The following NMNAT2 variants were observed in gnomAD, a reference collection of about 807,000 sequenced individuals.
The protein encoded by NMNAT2 is nicotinamide/nicotinic acid mononucleotide adenylyltransferase 2.
A neutral mutation model predicts 41.6 loss-of-function variants in NMNAT2; 11 were observed. The ratio of observed to expected loss-of-function variants is 0.26; its 90% CI spans 0.17 to 0.44. The LOEUF is 0.44. Ranked by LOEUF, NMNAT2 falls within the 20% of genes least tolerant of loss-of-function variation. NMNAT2 has a pLI of 1.00. For missense variants in NMNAT2, 288 were observed against 407.7 expected (o/e 0.71, Z 2.53); for synonymous variants, 148 against 151.2 (o/e 0.98, Z 0.16).
chr1:183,394,204 G>A (rs1215978823), intron 1 of NMNAT2, among the ~76,000 whole-genome samples: 2 of 152,178 alleles, frequency 1.3e-5, no homozygotes, highest in Admixed American at 6.5e-5. Flanking sequence ...GCTACAAATT[G>A]TATTATTATG....
chr1:183,290,461 C>G (rs796724374), intron 3 of NMNAT2, among the ~76,000 whole-genome samples: 1 of 152,182 alleles, frequency 6.6e-6, no homozygotes, highest in South Asian at 2.1e-4. Flanking sequence ...ATTCCAGCCT[C>G]AGCTCTTTGC....
intron 1 of NMNAT2, among the ~76,000 whole-genome samples, chr1:183,376,617 T>A (rs898368372): frequency 6.6e-6 from 1 of 152,208 alleles, no homozygotes; most frequent in Admixed American, 6.6e-5. Flanking sequence ...AAGTTGAGAA[T>A]CTAACATTGA....
chr1:183,379,636 A>G (rs1663759879), intron 1 of NMNAT2, among the ~76,000 whole-genome samples: 1 of 152,214 alleles, frequency 6.6e-6, no homozygotes, highest in African/African-American at 2.4e-5. Context: ...AAGAATAAAA[A>G]GAGACATATA....
At chr1:183,363,579 TACACACACACAC>T (rs146304060) in intron 1 of NMNAT2, among the ~76,000 whole-genome samples, 1 of 147,482 alleles carries the variant, frequency 6.8e-6, no homozygotes, top group Non-Finnish European at 1.5e-5. Context: ...CACACACACA[TACACACACACAC>T]ACACACACAC....
chr1:183,357,329 A>C, intron 1 of NMNAT2, among the ~76,000 whole-genome samples: 1 of 142,256 alleles, frequency 7.0e-6, no homozygotes, highest in East Asian at 2.1e-4. Flanking sequence ...TCCCGGGTTC[A>C]CACCATTCTC....
rs149677317 is a variant in NMNAT2 at position 183,316,985 on chromosome 1, C to G, written c.86-23192G>C. Reference sequence around the variant, plus strand: ...GTTGTTACCTAGTAGTCAGACACTACTAATCACTAGACCTGTGCACATTTG... The same window carrying G: ...GTTGTTACCTAGTAGTCAGACACTAGTAATCACTAGACCTGTGCACATTTG... On this transcript the variant is annotated intron_variant, in intron 1 of 10. Coordinates refer to ENST00000287713, the MANE Select transcript of NMNAT2 (RefSeq NM_015039.4). 3.4e-3 allele frequency among the ~76,000 whole-genome samples: 525 copies of G among 152,316 alleles called. 1 individual carries two copies. The highest frequency in any genetic ancestry group is 0.012 in the African/African-American group (499 of 41,568).
At chr1:183,406,044 C>T (rs1468958428) in intron 1 of NMNAT2, among the ~76,000 whole-genome samples, 1 of 152,148 alleles carries the variant, frequency 6.6e-6, no homozygotes, top group Non-Finnish European at 1.5e-5. Flanking sequence ...TTTTAACATG[C>T]AAGTAGCTAT....
chr1:183,347,198 T>C (rs1431368131), intron 1 of NMNAT2, among the ~76,000 whole-genome samples: 1 of 152,200 alleles, frequency 6.6e-6, no homozygotes, highest in Non-Finnish European at 1.5e-5. Context: ...TTCACGCCTG[T>C]AATCCCAGCA....
At chr1:183,304,393 A>G (rs970809436) in intron 1 of NMNAT2, among the ~76,000 whole-genome samples, 1 of 152,222 alleles carries the variant, frequency 6.6e-6, no homozygotes, top group African/African-American at 2.4e-5. Flanking sequence ...CAGAAGGCAC[A>G]TGATGGCAGC....
intron 1 of NMNAT2, among the ~76,000 whole-genome samples, chr1:183,318,506 T>C (rs1662298280): frequency 2.6e-5 from 4 of 152,118 alleles, no homozygotes; most frequent in East Asian, 1.9e-4. Context: ...GAGAGATTCA[T>C]TGTGTTTGCC....
At chr1:183,391,227 TTC>T (rs1345418583) in intron 1 of NMNAT2, among the ~76,000 whole-genome samples, 7 of 152,182 alleles carry the variant, frequency 4.6e-5, no homozygotes, top group African/African-American at 1.7e-4. Context: ...AGGATGACCT[TTC>T]TCTCTATTTC....
intron 1 of NMNAT2, among the ~76,000 whole-genome samples, chr1:183,405,484 A>G (rs143529658): frequency 5.0e-4 from 76 of 152,334 alleles, no homozygotes; most frequent in African/African-American, 1.8e-3. Context: ...ACTTCACCCA[A>G]TGTAAATATG....
chr1:183,275,402 G>A (rs1272465667), intron 8 of NMNAT2, among the ~76,000 whole-genome samples: 1 of 151,926 alleles, frequency 6.6e-6, no homozygotes, highest in Non-Finnish European at 1.5e-5. Flanking sequence ...TTGAGGCAGG[G>A]GACTGAGCAG....
At chr1:183,272,336 G>A (rs1360771165) in intron 8 of NMNAT2, among the ~76,000 whole-genome samples, 1 of 152,252 alleles carries the variant, frequency 6.6e-6, no homozygotes, top group African/African-American at 2.4e-5. Flanking sequence ...CGGGAATGCA[G>A]TGGGGTGGCA....
At chr1:183,377,333 G>A (rs780005781) in intron 1 of NMNAT2, among the ~76,000 whole-genome samples, 1 of 152,048 alleles carries the variant, frequency 6.6e-6, no homozygotes, top group Non-Finnish European at 1.5e-5. Flanking sequence ...CCTCCATGCT[G>A]TCAAGCATCA....
At position 183,250,387 on chromosome 1, in the gene NMNAT2, C is replaced by T. The variant is rs1024321787; in HGVS notation, c.*2254G>A. Reference sequence around the variant, plus strand: ...ACAGTGGCCTTCCTTACTATCACACCCTCCCCTGGGACTGGCATTACCATC... The same window carrying T: ...ACAGTGGCCTTCCTTACTATCACACTCTCCCCTGGGACTGGCATTACCATC... On this transcript the variant is annotated 3_prime_UTR_variant, in exon 11 of 11. Coordinates refer to ENST00000287713, the MANE Select transcript of NMNAT2 (RefSeq NM_015039.4). The T allele has an allele frequency of 2.0e-5, 3 of 152,200 alleles. No individual in the cohort carries two copies. Among genetic ancestry groups the T allele is most frequent in the African/African-American group, 7.2e-5 (3 of 41,424 alleles). 9.4% of individuals were successfully genotyped at this position (152,200 alleles called of 1,614,324 possible).
chr1:183,323,772 A>G (rs1363150442), intron 1 of NMNAT2, among the ~76,000 whole-genome samples: 1 of 152,194 alleles, frequency 6.6e-6, no homozygotes, highest in Non-Finnish European at 1.5e-5. Flanking sequence ...CATAGGGAAC[A>G]CATCTGACAA....
intron 1 of NMNAT2, among the ~76,000 whole-genome samples, chr1:183,326,150 T>C (rs1198240862): frequency 6.6e-6 from 1 of 151,822 alleles, no homozygotes; most frequent in Non-Finnish European, 1.5e-5. Context: ...CCGAGCTGGG[T>C]GGATCACCTG....
intron 1 of NMNAT2, among the ~76,000 whole-genome samples, chr1:183,374,497 A>G (rs748029211): frequency 2.0e-5 from 3 of 152,224 alleles, no homozygotes; most frequent in South Asian, 2.1e-4. Context: ...GCTTCAGAAA[A>G]TGGTTTAGTT....
Sources: allele counts gnomAD v4.1 joint callset (sites outside exome capture counted in the v4.1 genomes callset), GRCh38; gene constraint gnomAD v4.1.1; transcripts MANE v1.5; gene names NCBI Gene and HGNC (gene_info 2026-07-23, HGNC 2026-07-21).